PRDM6: variants seen among roughly 807,000 people sequenced by gnomAD.
The protein encoded by PRDM6 is putative histone-lysine N-methyltransferase PRDM6.
A neutral mutation model predicts 60.8 loss-of-function variants in PRDM6; 25 were observed. That is an observed-to-expected ratio of 0.41 (90% CI 0.30 to 0.57). PRDM6 has a LOEUF of 0.57. Among genes scored for constraint, PRDM6 ranks in the 20% least tolerant of loss-of-function variants. PRDM6 has a pLI of 0.27. For synonymous variants in PRDM6, 407 were observed against 357.4 expected (o/e 1.14, Z -1.57); for missense variants, 839 against 821.3 (o/e 1.02, Z -0.26).
rs1378913190 is a variant in PRDM6, at chr5:123,155,968, G to T, written c.985G>T (p.Ala329Ser). Residue 329 changes from alanine (A) to serine (S), a missense_variant, in exon 4 of 8, where the codon GCA (alanine) becomes TCA (serine). Physicochemically the swap from Ala to Ser is moderately conservative, Grantham distance 99. This residue lies in a region of PRDM6 where 730 missense variants were observed against 648.8 expected (regional missense o/e 1.13). Transcript: ENST00000407847. Reference protein sequence around the residue: ...KSSWMRYIRCARHCGEQNLTV... With the variant: ...KSSWMRYIRCSRHCGEQNLTV... ...GAGCTGGATGAGGTATATCCGATGT[G>T]CAAGGCACTGCGGAGAACAGAATCT... 4 of 1,551,742 alleles carry T rather than the reference G, an allele frequency of 2.6e-6. No homozygotes were observed. Among genetic ancestry groups the T allele is most frequent in the South Asian group, 1.2e-5 (1 of 84,060 alleles).
chr5:123,093,264 C>T (rs959035533), intron 2 of PRDM6, among the ~76,000 whole-genome samples: 18 of 152,220 alleles, frequency 1.2e-4, no homozygotes, highest in Admixed American at 3.3e-4. Flanking sequence ...ATAAAAAGGG[C>T]GGGATGCGGG....
rs1199520627 is a variant in PRDM6, at chr5:123,099,749, G to A, written c.688G>A (p.Ala230Thr). The change falls in exon 3 of 8, where the codon GCC becomes ACC. Residue 230 changes from alanine (A) to threonine (T), a missense_variant. Physicochemically the swap from Ala to Thr is moderately conservative, Grantham distance 58. This residue lies in a region of PRDM6 where 730 missense variants were observed against 648.8 expected (regional missense o/e 1.13). Coordinates refer to ENST00000407847, the MANE Select transcript of PRDM6 (RefSeq NM_001136239.4). The surrounding 1 kb of genome is among the most constrained non-coding windows in gnomAD (Gnocchi z 4.0). ...GCTTGTGGGCACCAGCAGCGCTGCG[G>A]CCGCCGCGCCCCCGCCGGAGCTGCC... ...RRLVGTSSAA[A>T]AAPPPELPEW... 1.9e-6 allele frequency: 3 copies of A among 1,545,448 alleles called. No homozygotes were observed. In the East Asian group the frequency reaches 7.4e-5, roughly 38 times the overall value.
At chr5:123,124,065 C>T (rs1764641716) in intron 3 of PRDM6, among the ~76,000 whole-genome samples, 1 of 152,186 alleles carries the variant, frequency 6.6e-6, no homozygotes, top group African/African-American at 2.4e-5. Flanking sequence ...TGGTCCAGGT[C>T]AGGCCAACCT....
intron 5 of PRDM6, among the ~76,000 whole-genome samples, chr5:123,165,712 T>G (rs1765737352): frequency 6.6e-6 from 1 of 152,240 alleles, no homozygotes; most frequent in South Asian, 2.1e-4. Context: ...TTTTGCCTAT[T>G]CAAGCATCTA....
At chr5:123,154,310 A>G (rs1346420835) in intron 3 of PRDM6, among the ~76,000 whole-genome samples, 1 of 152,162 alleles carries the variant, frequency 6.6e-6, no homozygotes, top group Non-Finnish European at 1.5e-5. Flanking sequence ...AATTTAAAGA[A>G]GTCATTAGCC....
At chr5:123,159,260 C>A (rs1184979576) in intron 4 of PRDM6, among the ~76,000 whole-genome samples, 2 of 152,070 alleles carry the variant, frequency 1.3e-5, no homozygotes, top group African/African-American at 2.4e-5. Flanking sequence ...TCTGATGTCT[C>A]CTGGGCTAAA....
chr5:123,139,611 T>C (rs945282192), intron 3 of PRDM6, among the ~76,000 whole-genome samples: 3 of 152,162 alleles, frequency 2.0e-5, no homozygotes, highest in African/African-American at 7.2e-5. Flanking sequence ...TGGTATATGC[T>C]GAACCAGTCC....
At chr5:123,186,066 G>A (rs1766282955) in intron 7 of PRDM6, among the ~76,000 whole-genome samples, 1 of 152,228 alleles carries the variant, frequency 6.6e-6, no homozygotes. Context: ...CCTCTGAGCT[G>A]TATTAGATGC....
chr5:123,171,109 G>A lies in PRDM6; in HGVS notation c.1496+1G>A. ...ACGTGTGCACGCAGAACCCCGACAGGTAACCCTGACTCTCACTGCTGACAG... is the reference window on the plus strand; with the variant it reads ...ACGTGTGCACGCAGAACCCCGACAGATAACCCTGACTCTCACTGCTGACAG... On this transcript the variant is annotated splice_donor_variant, in intron 6 of 7. Transcript: ENST00000407847. LOFTEE classifies it high-confidence loss of function. 2 of 1,527,942 alleles carry A rather than the reference G, an allele frequency of 1.3e-6. No individual in the cohort carries two copies. Among genetic ancestry groups the A allele is most frequent in the Non-Finnish European group, 1.8e-6 (2 of 1,133,428 alleles). 94.6% of individuals were successfully genotyped at this position (1,527,942 alleles called of 1,614,324 possible). A position where few individuals can be genotyped will look rare whatever the true frequency, so the allele number is the denominator to read the frequency against.
chr5:123,093,965 G>T (rs568931267), intron 2 of PRDM6, among the ~76,000 whole-genome samples: 2 of 151,940 alleles, frequency 1.3e-5, no homozygotes, highest in African/African-American at 4.8e-5. Flanking sequence ...TTCCCCAGTT[G>T]GGGGAGGGGT....
intron 5 of PRDM6, among the ~76,000 whole-genome samples, chr5:123,162,671 A>G (rs1356789308): frequency 6.6e-6 from 1 of 152,216 alleles, no homozygotes; most frequent in East Asian, 1.9e-4. Context: ...AGTGCTCAAC[A>G]GTGACAATCC....
intron 3 of PRDM6, among the ~76,000 whole-genome samples, chr5:123,112,019 C>G (rs1238352505): frequency 6.6e-6 from 1 of 152,168 alleles, no homozygotes; most frequent in Non-Finnish European, 1.5e-5. Flanking sequence ...TAACAGACAG[C>G]AAAATGAACT....
Position 123,178,013 on chromosome 5 carries a change from A to G in PRDM6, c.1497-2134A>G, listed in dbSNP as rs553128947. 3.9e-5 allele frequency among the ~76,000 whole-genome samples: 6 copies of G among 152,240 alleles called. No individual in the cohort carries two copies. In the South Asian group the frequency reaches 1.2e-3, roughly 32 times the overall value. ...CTCAAGCCAGTGCCAGGCAAAGGTGATGTTTTAGAATCCGATTTGCCTTCC... is the reference window on the plus strand; with the variant it reads ...CTCAAGCCAGTGCCAGGCAAAGGTGGTGTTTTAGAATCCGATTTGCCTTCC... On this transcript the variant is annotated intron_variant, in intron 6 of 7. Coordinates refer to ENST00000407847, the MANE Select transcript of PRDM6 (RefSeq NM_001136239.4).
chr5:123,124,731 T>A (rs1764654256), intron 3 of PRDM6, among the ~76,000 whole-genome samples: 1 of 152,188 alleles, frequency 6.6e-6, no homozygotes, highest in South Asian at 2.1e-4. Flanking sequence ...TGGTTAAGAC[T>A]GGAGAAGTCT....
In PRDM6 at chr5:123,171,103, C is replaced by T. The variant is rs1003700714; in HGVS notation, c.1491C>T (p.Pro497=). Residue 497 remains proline (P), a synonymous_variant, in exon 6 of 8, where the codon CCC becomes CCT. Transcript: ENST00000407847. ...AGATGCACGTGTGCACGCAGAACCCCGACAGGTAACCCTGACTCTCACTGC... is the reference window on the plus strand; with the variant it reads ...AGATGCACGTGTGCACGCAGAACCCTGACAGGTAACCCTGACTCTCACTGC... ...LLQMHVCTQN[P]DRPYQCGHCS... The T allele has an allele frequency of 1.2e-5, 18 of 1,533,102 alleles. No individual in the cohort carries two copies. Among genetic ancestry groups the T allele is most frequent in the African/African-American group, 8.2e-5 (6 of 72,814 alleles). 95.0% of individuals were successfully genotyped at this position (1,533,102 alleles called of 1,614,324 possible).
At chr5:123,118,321 A>G (rs768900594) in intron 3 of PRDM6, among the ~76,000 whole-genome samples, 14 of 152,204 alleles carry the variant, frequency 9.2e-5, no homozygotes, top group East Asian at 5.8e-4. Context: ...CTGTCTCTCA[A>G]TAGGCTGATA....
At position 123,099,565 on chromosome 5, in the gene PRDM6, T is replaced by G; in HGVS notation, c.593-89T>G. ...GGCTTACCCAGGCGGGCGGTGATGC[T>G]GTTGTCTCGGGAGTTTACTCAAAGA... On this transcript the variant is annotated intron_variant, in intron 2 of 7. Coordinates refer to ENST00000407847, the MANE Select transcript of PRDM6 (RefSeq NM_001136239.4). The surrounding 1 kb of genome is among the most constrained non-coding windows in gnomAD (Gnocchi z 4.0). The G allele has an allele frequency of 8.0e-7, 1 of 1,243,626 alleles. No homozygotes were observed. 77.0% of individuals were successfully genotyped at this position (1,243,626 alleles called of 1,614,324 possible).
At chr5:123,093,755 G>T (rs140828428) in intron 2 of PRDM6, among the ~76,000 whole-genome samples, 79 of 152,260 alleles carry the variant, frequency 5.2e-4, no homozygotes, top group African/African-American at 1.8e-3. Context: ...GAGCTGGTGC[G>T]TTGCCTGCTC....
intron 7 of PRDM6, 142 bp downstream of exon 7, chr5:123,180,465 T>C (rs1276421687): frequency 1.1e-6 from 1 of 885,872 alleles, no homozygotes; most frequent in Non-Finnish European, 1.7e-6. Flanking sequence ...AACGAATCTC[T>C]CCTTGTTTAG....
Sources: gnomAD v4.1 joint callset for allele counts (sites outside exome capture counted in the v4.1 genomes callset) on GRCh38, gnomAD v4.1.1 for gene constraint, gnomAD v4.1.1 regional missense constraint, Gnocchi (gnomAD v3.1) non-coding constraint, MANE v1.5 for transcripts, NCBI Gene and HGNC (gene_info 2026-07-23, HGNC 2026-07-21) for gene names.